WLS: variants seen among roughly 807,000 people sequenced by gnomAD.
The protein encoded by WLS is Wnt ligand secretion mediator.
In WLS, 23 loss-of-function variants were observed where a neutral mutation model predicts 62.8. That is an observed-to-expected ratio of 0.37 (90% CI 0.26 to 0.52). The LOEUF (loss-of-function observed/expected upper bound fraction) is 0.52, where lower values mean the gene tolerates loss of function less well. Among genes scored for constraint, WLS ranks in the 20% least tolerant of loss-of-function variants. The probability of loss-of-function intolerance (pLI) is 0.92; values close to 1 mark genes in which losing one functional copy is unlikely to be tolerated. For missense variants in WLS, 615 were observed against 697.3 expected (o/e 0.88, Z 1.33); for synonymous variants, 246 against 244.1 (o/e 1.01, Z -0.07).
chr1:68,218,541 C>G (rs1180359952), intron 1 of WLS, among the ~76,000 whole-genome samples: 1 of 152,172 alleles, frequency 6.6e-6, no homozygotes, highest in Non-Finnish European at 1.5e-5. Context: ...AAAATCATAC[C>G]TATCACATTC....
At chr1:68,129,344 CATAAA>C (rs1259790982) in intron 11 of WLS, among the ~76,000 whole-genome samples, 1 of 152,022 alleles carries the variant, frequency 6.6e-6, no homozygotes, top group Non-Finnish European at 1.5e-5. Flanking sequence ...AAAAACTACA[CATAAA>C]ATAATTTGAA....
chr1:68,224,904 G>T (rs1414296909), intron 1 of WLS, among the ~76,000 whole-genome samples: 1 of 152,092 alleles, frequency 6.6e-6, no homozygotes, highest in African/African-American at 2.4e-5. Context: ...TAAGAATATG[G>T]CTTAGGATTC....
chr1:68,104,361 C>T (rs1646117674), intron 11 of WLS, among the ~76,000 whole-genome samples: 1 of 152,132 alleles, frequency 6.6e-6, no homozygotes, highest in Non-Finnish European at 1.5e-5. Context: ...GGTCATTGTG[C>T]TCTCTTTTGG....
rs1646746794 is a variant in WLS at position 68,145,892 on chromosome 1, T to C, written c.1255A>G (p.Lys419Glu). ...ACCTCATAGTGTAGCCGCCGGACTT[T>C]GCTCATAGCTGGCAGGCTGGACTGC... ...GKQSSLPAMSKVRRLHYEGLI... is the reference protein window; with the variant it reads ...GKQSSLPAMSEVRRLHYEGLI... The change falls in exon 9 of 12, where the codon AAA becomes GAA. Residue 419 changes from lysine to glutamate, a missense_variant. Coordinates refer to ENST00000262348, the MANE Select transcript of WLS (RefSeq NM_024911.7). 1.2e-6 allele frequency: 2 copies of C among 1,614,062 alleles called. No individual in the cohort carries two copies. Among genetic ancestry groups the C allele is most frequent in the Non-Finnish European group, 1.7e-6 (2 of 1,180,036 alleles).
chr1:68,132,019 T>A (rs1447643530), intron 11 of WLS, among the ~76,000 whole-genome samples: 1 of 152,204 alleles, frequency 6.6e-6, no homozygotes, highest in Non-Finnish European at 1.5e-5. Flanking sequence ...GTCTGTAGTA[T>A]TCGTATAGCA....
rs1044667734 is a variant in WLS, at chr1:68,204,134, T to A, written c.107-9907A>T. ...ATTGTAAGTTAAGGCTAAGGGCAAG[T>A]AAGACCTGTTAATGTCTTTATCTGG... On this transcript the variant is annotated intron_variant, in intron 1 of 11. Coordinates refer to ENST00000262348, the MANE Select transcript of WLS (RefSeq NM_024911.7). 2.3e-4 allele frequency among the ~76,000 whole-genome samples: 35 copies of A among 152,308 alleles called. 1 individual carries two copies. The highest frequency in any genetic ancestry group is 7.9e-4 in the African/African-American group (33 of 41,562).
At chr1:68,115,431 C>T (rs961654138) in intron 11 of WLS, among the ~76,000 whole-genome samples, 1 of 152,212 alleles carries the variant, frequency 6.6e-6, no homozygotes, top group Non-Finnish European at 1.5e-5. Flanking sequence ...AGAGCCAATT[C>T]ATTCAGTTTA....
At chr1:68,231,178 G>T (rs1051533270) in intron 1 of WLS, among the ~76,000 whole-genome samples, 1 of 152,188 alleles carries the variant, frequency 6.6e-6, no homozygotes, top group Non-Finnish European at 1.5e-5. Flanking sequence ...GATGCAGATG[G>T]GGAGACAGTG....
chr1:68,176,966 T>A (rs894738623), intron 2 of WLS, among the ~76,000 whole-genome samples: 6 of 152,222 alleles, frequency 3.9e-5, no homozygotes, highest in African/African-American at 1.4e-4. Flanking sequence ...ATGTTCCCAT[T>A]GCTAACTCTT....
chr1:68,110,005 AGT>A (rs72112830), intron 11 of WLS, among the ~76,000 whole-genome samples: 80 of 35,846 alleles, frequency 2.2e-3, no homozygotes, highest in Non-Finnish European at 3.7e-3. Flanking sequence ...CAACACAAAA[AGT>A]AAAAAAAAAA....
In WLS at chr1:68,150,446, G is replaced by A. The variant is rs531700021; in HGVS notation, c.804-90C>T. 3.9e-6 allele frequency: 6 copies of A among 1,532,032 alleles called. No individual in the cohort carries two copies. The East Asian group carries it at 1.4e-4, about 35-fold the overall frequency. 94.9% of individuals were successfully genotyped at this position (1,532,032 alleles called of 1,614,324 possible). A position where few individuals can be genotyped will look rare whatever the true frequency, so the allele number is the denominator to read the frequency against. On this transcript the variant is annotated intron_variant, in intron 5 of 11. Transcript: ENST00000262348. ...CCCCGAATTCAGTTTTGAGACATGA[G>A]ATGTTACTTATTGGGTCTGAAGCCA...
chr1:68,156,232 T>C (rs552959179), intron 3 of WLS, among the ~76,000 whole-genome samples: 4 of 152,310 alleles, frequency 2.6e-5, no homozygotes, highest in Admixed American at 2.6e-4. Flanking sequence ...AATGTTGGGT[T>C]TCTATGTCAG....
At chr1:68,114,705 T>A (rs6690844) in intron 11 of WLS, among the ~76,000 whole-genome samples, 1 of 152,018 alleles carries the variant, frequency 6.6e-6, no homozygotes, top group Non-Finnish European at 1.5e-5. Context: ...AGCCAGCCCC[T>A]GAAGGCTGAG....
intron 1 of WLS, among the ~76,000 whole-genome samples, chr1:68,218,522 A>G (rs1263523747): frequency 1.3e-5 from 2 of 152,244 alleles, no homozygotes; most frequent in East Asian, 3.9e-4. Context: ...AAAGAATAAG[A>G]TTAATGATAA....
intron 2 of WLS, among the ~76,000 whole-genome samples, chr1:68,175,244 T>C (rs1014101147): frequency 6.6e-6 from 1 of 152,222 alleles, no homozygotes; most frequent in Non-Finnish European, 1.5e-5. Flanking sequence ...CTGCCTACTA[T>C]GTGTAGACAT....
At chr1:68,161,883 C>T (rs1163702092) in intron 2 of WLS, 16 of 1,608,610 alleles carry the variant, frequency 9.9e-6, no homozygotes, top group Non-Finnish European at 1.3e-5. Context: ...TGATCCCTTC[C>T]ACGGCTGCAG....
At chr1:68,184,219 A>G (rs1647770909) in intron 2 of WLS, among the ~76,000 whole-genome samples, 1 of 152,204 alleles carries the variant, frequency 6.6e-6, no homozygotes. Context: ...AGATATGTAA[A>G]CAAATTCTCT....
chr1:68,224,895 A>G (rs1471342550), intron 1 of WLS, among the ~76,000 whole-genome samples: 2 of 152,178 alleles, frequency 1.3e-5, no homozygotes, highest in African/African-American at 4.8e-5. Context: ...CATTAAGCTT[A>G]AGAATATGGC....
intron 6 of WLS, 33 bp downstream of exon 6, chr1:68,150,155 G>A (rs781099270): frequency 1.9e-6 from 3 of 1,608,380 alleles, no homozygotes; most frequent in South Asian, 1.1e-5. Context: ...AGAGCAGCTG[G>A]TACAGACGTC....
Sources: allele counts gnomAD v4.1 joint callset (sites outside exome capture counted in the v4.1 genomes callset), GRCh38; gene constraint gnomAD v4.1.1; transcripts MANE v1.5; gene names NCBI Gene and HGNC (gene_info 2026-07-23, HGNC 2026-07-21).